Variants in PTPRN2 observed in about 807,000 individuals in gnomAD.
PTPRN2 encodes protein tyrosine phosphatase receptor type N2, also known as receptor-type tyrosine-protein phosphatase N2.
PTPRN2 carries 74 observed loss-of-function variants against 118.8 expected under a neutral mutation model. The ratio of observed to expected loss-of-function variants is 0.62; its 90% CI spans 0.52 to 0.76. The LOEUF (loss-of-function observed/expected upper bound fraction) is 0.76, where lower values mean the gene tolerates loss of function less well. PTPRN2 is among the 30% of genes least tolerant of loss of function. The pLI is 0.00. For synonymous variants in PTPRN2, 641 were observed against 608.0 expected (o/e 1.05, Z -0.80); for missense variants, 1,481 against 1,394.4 (o/e 1.06, Z -0.99).
chr7:158,281,505 A>T (rs188869481), intron 3 of PTPRN2, among the ~76,000 whole-genome samples: 1 of 152,368 alleles, frequency 6.6e-6, no homozygotes, highest in Admixed American at 6.5e-5. Flanking sequence ...AGACATTGTC[A>T]TATGCCCACA....
intron 12 of PTPRN2, among the ~76,000 whole-genome samples, chr7:157,840,773 G>T (rs1030740726): frequency 1.3e-5 from 2 of 152,248 alleles, no homozygotes; most frequent in African/African-American, 2.4e-5. Flanking sequence ...TCAGCAGTCA[G>T]GGGGACAGGT....
intron 2 of PTPRN2, among the ~76,000 whole-genome samples, chr7:158,329,817 G>A (rs896938694): frequency 1.3e-5 from 2 of 152,116 alleles, no homozygotes; most frequent in African/African-American, 2.4e-5. Context: ...TTCACCGCTC[G>A]AGGCTGTGTC....
intron 3 of PTPRN2, among the ~76,000 whole-genome samples, chr7:158,291,763 G>A (rs1236419374): frequency 6.6e-6 from 1 of 152,192 alleles, no homozygotes; most frequent in African/African-American, 2.4e-5. Flanking sequence ...AAATAAAAGT[G>A]ACTTCTTCAT....
chr7:157,772,704 G>A, intron 12 of PTPRN2, among the ~76,000 whole-genome samples: 1 of 152,248 alleles, frequency 6.6e-6, no homozygotes, highest in East Asian at 1.9e-4. Context: ...CTCAGCGTTG[G>A]GTCTCTTGGC....
chr7:158,401,777 A>G (rs934740559), intron 2 of PTPRN2, among the ~76,000 whole-genome samples: 6 of 152,218 alleles, frequency 3.9e-5, no homozygotes, highest in Non-Finnish European at 7.3e-5. Context: ...GTAATTCCTA[A>G]GGGAGAAGCT....
At chr7:158,299,660 G>A (rs969834666) in intron 3 of PTPRN2, among the ~76,000 whole-genome samples, 2 of 152,178 alleles carry the variant, frequency 1.3e-5, no homozygotes, top group Non-Finnish European at 2.9e-5. Flanking sequence ...TCTGAGAGCT[G>A]TAAATGAGCT....
rs995398187 is a variant in PTPRN2 at position 158,555,635 on chromosome 7, G to A, written c.112+31923C>T. Among the ~76,000 whole-genome samples the A allele has an allele frequency of 6.6e-6, 1 of 152,178 alleles. No individual in the cohort carries two copies. The highest frequency in any genetic ancestry group is 2.4e-5 in the African/African-American group (1 of 41,432). On this transcript the variant is annotated intron_variant, in intron 1 of 22. Transcript: ENST00000389418. This position sits in a 1 kb window ranked among gnomAD's most constrained non-coding sequence, Gnocchi z 4.7. ...CCAGCCTCCCTCAGCTCCCATGGCA[G>A]GGTTAGGGGCACAAGCACCGCCCGT...
intron 11 of PTPRN2, among the ~76,000 whole-genome samples, chr7:157,955,869 T>A (rs950778996): frequency 1.3e-5 from 2 of 152,190 alleles, no homozygotes; most frequent in African/African-American, 4.8e-5. Context: ...ATAGTGCATC[T>A]GAGAAAACCC....
At chr7:158,199,027 G>A (rs1040555881) in intron 4 of PTPRN2, among the ~76,000 whole-genome samples, 2 of 151,748 alleles carry the variant, frequency 1.3e-5, no homozygotes, top group Admixed American at 1.3e-4. Flanking sequence ...ATGTTCCCAG[G>A]TTCTTGGTTA....
intron 6 of PTPRN2, among the ~76,000 whole-genome samples, chr7:158,162,447 T>C (rs142781239): frequency 1.3e-3 from 204 of 152,266 alleles, no homozygotes; most frequent in Admixed American, 4.0e-3. Flanking sequence ...AAATGAGCCA[T>C]CGAGCCATGA....
intron 1 of PTPRN2, among the ~76,000 whole-genome samples, chr7:158,523,452 T>G (rs1586864007): frequency 3.8e-5 from 4 of 105,800 alleles, no homozygotes; most frequent in African/African-American, 7.9e-5. Flanking sequence ...TGGAGCGGAG[T>G]CGTCTGCCCT....
intron 12 of PTPRN2, among the ~76,000 whole-genome samples, chr7:157,824,919 G>A (rs1264334464): frequency 3.3e-5 from 5 of 152,118 alleles, no homozygotes; most frequent in African/African-American, 7.2e-5. Context: ...GATCACGAGC[G>A]GCACCCAGGG....
At chr7:157,777,585 C>T (rs796301617) in intron 12 of PTPRN2, among the ~76,000 whole-genome samples, 60 of 152,370 alleles carry the variant, frequency 3.9e-4, no homozygotes, top group African/African-American at 1.4e-3. Flanking sequence ...CCCCCGGACA[C>T]TATGAAAGGG....
At chr7:158,400,946 G>A (rs924432631) in intron 2 of PTPRN2, among the ~76,000 whole-genome samples, 9 of 151,740 alleles carry the variant, frequency 5.9e-5, no homozygotes, top group East Asian at 1.9e-4. Context: ...AGAACCTCAC[G>A]AGGAAAGCCG....
intron 1 of PTPRN2, among the ~76,000 whole-genome samples, chr7:158,511,898 A>G (rs1180741286): frequency 1.3e-5 from 2 of 152,208 alleles, no homozygotes; most frequent in Admixed American, 6.5e-5. Context: ...CGGGAGAGGA[A>G]GGGAGATGTG....
intron 10 of PTPRN2, among the ~76,000 whole-genome samples, chr7:158,082,226 C>T (rs2128932066): frequency 6.6e-6 from 1 of 152,310 alleles, no homozygotes; most frequent in African/African-American, 2.4e-5. Context: ...CCTGCACTGA[C>T]ATCTAAGCTG....
At chr7:157,830,398 G>T (rs112974109) in intron 12 of PTPRN2, among the ~76,000 whole-genome samples, 7 of 152,230 alleles carry the variant, frequency 4.6e-5, no homozygotes, top group African/African-American at 1.7e-4. Context: ...ACAATGGAGT[G>T]ATGTGGCAGG....
chr7:157,825,169 C>T (rs777181096), intron 12 of PTPRN2, among the ~76,000 whole-genome samples: 11 of 152,192 alleles, frequency 7.2e-5, no homozygotes, highest in Non-Finnish European at 1.0e-4. Flanking sequence ...ACATGCGACT[C>T]GGTTCTGGCC....
intron 4 of PTPRN2, among the ~76,000 whole-genome samples, chr7:158,204,437 G>C (rs1405171162): frequency 2.0e-5 from 3 of 152,190 alleles, no homozygotes; most frequent in South Asian, 2.1e-4. Context: ...TCTAAATTTT[G>C]TGTTACTGGA....
Sources: allele counts gnomAD v4.1 joint callset (sites outside exome capture counted in the v4.1 genomes callset), GRCh38; gene constraint gnomAD v4.1.1; non-coding constraint Gnocchi (gnomAD v3.1); transcripts MANE v1.5; gene names NCBI Gene and HGNC (gene_info 2026-07-23, HGNC 2026-07-21).